The following PAPPA2 variants were observed in gnomAD, a reference collection of about 807,000 sequenced individuals.
PAPPA2 encodes the protein pappalysin-2.
PAPPA2 carries 86 observed loss-of-function variants against 176.4 expected under a neutral mutation model. The ratio of observed to expected loss-of-function variants is 0.49; its 90% CI spans 0.41 to 0.58. PAPPA2 has a LOEUF of 0.58. PAPPA2 is among the 20% of genes least tolerant of loss of function. The pLI is 0.00. For missense variants in PAPPA2, 2,073 were observed against 2,256.9 expected (o/e 0.92, Z 1.65); for synonymous variants, 809 against 852.2 (o/e 0.95, Z 0.88).
At chr1:176,706,176 A>G (rs1465983218) in intron 9 of PAPPA2, among the ~76,000 whole-genome samples, 183 bp from the exon 10 acceptor site, 4 of 152,184 alleles carry the variant, frequency 2.6e-5, no homozygotes, top group African/African-American at 9.7e-5. Flanking sequence ...CTTAAATTGT[A>G]TCTACTTTAT....
At chr1:176,535,599 C>A (rs1419197807) in intron 1 of PAPPA2, among the ~76,000 whole-genome samples, 1 of 152,114 alleles carries the variant, frequency 6.6e-6, no homozygotes, top group Non-Finnish European at 1.5e-5. Context: ...CAGAAGAGCA[C>A]CAGGCCAGAG....
intron 1 of PAPPA2, among the ~76,000 whole-genome samples, chr1:176,543,695 A>G (rs1456969799): frequency 6.6e-6 from 1 of 152,180 alleles, no homozygotes; most frequent in Non-Finnish European, 1.5e-5. Context: ...TTCTTGTGGC[A>G]CAAATTGTCT....
intron 11 of PAPPA2, 122 bp from the exon 12 acceptor site, chr1:176,711,710 CAAT>C (rs1661153362): frequency 9.2e-7 from 1 of 1,091,408 alleles, no homozygotes. Context: ...AGTTTTCTGC[CAAT>C]AATGTGATCA....
intron 3 of PAPPA2, among the ~76,000 whole-genome samples, chr1:176,619,164 A>G (rs1655443514): frequency 3.9e-5 from 6 of 152,228 alleles, no homozygotes; most frequent in Admixed American, 3.9e-4. Flanking sequence ...AATTTAAACC[A>G]GAATTACAAA....
At chr1:176,669,850 G>C (rs1233778567) in intron 3 of PAPPA2, among the ~76,000 whole-genome samples, 2 of 152,166 alleles carry the variant, frequency 1.3e-5, no homozygotes, top group Non-Finnish European at 2.9e-5. Flanking sequence ...TAGAGGGGAA[G>C]GGTCATGCTG....
chr1:176,664,183 G>A (rs2102763001), intron 3 of PAPPA2, among the ~76,000 whole-genome samples: 1 of 152,312 alleles, frequency 6.6e-6, no homozygotes, highest in Admixed American at 6.5e-5. Flanking sequence ...GTTATTGCAA[G>A]CATAGTGACT....
chr1:176,799,047 T>G (rs1303110361), intron 20 of PAPPA2, among the ~76,000 whole-genome samples: 1 of 152,206 alleles, frequency 6.6e-6, no homozygotes, highest in Non-Finnish European at 1.5e-5. Flanking sequence ...CTAGAATTCC[T>G]GTAGGTGCTA....
At chr1:176,616,741 T>G in intron 3 of PAPPA2, 1 of 1,295,066 alleles carries the variant, frequency 7.7e-7, no homozygotes, top group Non-Finnish European at 1.1e-6. Flanking sequence ...GGAAATCTCA[T>G]GTTCTTGTAT....
intron 17 of PAPPA2, 43 bp from the exon 18 acceptor site, chr1:176,789,766 T>C (rs559606578): frequency 2.6e-6 from 4 of 1,565,316 alleles, no homozygotes; most frequent in East Asian, 2.4e-5. Flanking sequence ...CATGACCTTC[T>C]TGAAAGATTC....
At chr1:176,782,124 G>A (rs1346398537) in intron 17 of PAPPA2, among the ~76,000 whole-genome samples, 1 of 152,212 alleles carries the variant, frequency 6.6e-6, no homozygotes, top group Non-Finnish European at 1.5e-5. Context: ...TATAATATAG[G>A]CATTTGGCAT....
Position 176,827,000 on chromosome 1 carries a change from A to T in PAPPA2, c.5203-13173A>T, listed in dbSNP as rs12033022. On this transcript the variant is annotated intron_variant, in intron 21 of 22. Transcript: ENST00000367662. ...AATTATTTTAGAAAAGTGCATCATG[A>T]TTTGAACAGTCAATGTCATAGATAA... Among the ~76,000 whole-genome samples, 134 of 152,364 alleles carry T rather than the reference A, an allele frequency of 8.8e-4. 2 individuals carry two copies. The East Asian group carries it at 0.021, about 24-fold the overall frequency.
chr1:176,490,120 G>A (rs539145581), intron 1 of PAPPA2, among the ~76,000 whole-genome samples: 1 of 151,666 alleles, frequency 6.6e-6, no homozygotes, highest in Admixed American at 6.6e-5. Context: ...GTTTTGGAAA[G>A]AAGCAAAGTT....
At chr1:176,550,737 C>T (rs532663350) in intron 1 of PAPPA2, among the ~76,000 whole-genome samples, 4 of 152,246 alleles carry the variant, frequency 2.6e-5, no homozygotes, top group South Asian at 2.1e-4. Flanking sequence ...ATCTGACATA[C>T]GGAGCACCAA....
At chr1:176,691,583 T>C (rs1444294061) in intron 5 of PAPPA2, among the ~76,000 whole-genome samples, 1 of 152,210 alleles carries the variant, frequency 6.6e-6, no homozygotes, top group Non-Finnish European at 1.5e-5. Flanking sequence ...TTCCTGGCAC[T>C]AAGAAAACTC....
chr1:176,761,464 A>C (rs1024654800), intron 14 of PAPPA2, among the ~76,000 whole-genome samples: 1 of 152,222 alleles, frequency 6.6e-6, no homozygotes, highest in Non-Finnish European at 1.5e-5. Context: ...GAGGATGCAC[A>C]CTGGGCAGGA....
intron 1 of PAPPA2, chr1:176,537,292 C>T (rs1218907474): frequency 2.0e-5 from 3 of 152,242 alleles, no homozygotes; most frequent in Admixed American, 1.3e-4. Context: ...CCACTGGTTG[C>T]TCCCCAGCCC....
intron 14 of PAPPA2, among the ~76,000 whole-genome samples, chr1:176,763,267 C>G (rs1039344660): frequency 2.6e-5 from 4 of 152,150 alleles, no homozygotes; most frequent in African/African-American, 4.8e-5. Context: ...CCAAGGGCAA[C>G]AACATCAAGA....
chr1:176,606,069 A>G (rs1654594165), intron 3 of PAPPA2, among the ~76,000 whole-genome samples: 1 of 151,566 alleles, frequency 6.6e-6, no homozygotes, highest in Non-Finnish European at 1.5e-5. Context: ...AATATTTTAT[A>G]TATATACACA....
chr1:176,571,019 G>T (rs936731244), intron 2 of PAPPA2, among the ~76,000 whole-genome samples: 1 of 152,086 alleles, frequency 6.6e-6, no homozygotes, highest in African/African-American at 2.4e-5. Flanking sequence ...GTAGGCTTCT[G>T]GGGGCTTCTG....
Sources: gnomAD v4.1 joint callset for allele counts (sites outside exome capture counted in the v4.1 genomes callset) on GRCh38, gnomAD v4.1.1 for gene constraint, MANE v1.5 for transcripts, NCBI Gene and HGNC (gene_info 2026-07-23, HGNC 2026-07-21) for gene names.